Variants in UNC5B observed in about 807,000 individuals in gnomAD.
UNC5B encodes unc-5 netrin receptor B.
Under a neutral mutation model 103.7 loss-of-function variants are expected in UNC5B, and 56 were observed. That is an observed-to-expected ratio of 0.54 (90% CI 0.44 to 0.67). The LOEUF is 0.67. UNC5B is among the 30% of genes least tolerant of loss of function. The pLI is 0.00. For missense variants in UNC5B, 1,194 were observed against 1,284.5 expected (o/e 0.93, Z 1.08); for synonymous variants, 577 against 542.0 (o/e 1.06, Z -0.90).
At chr10:71,261,945 A>C (rs994143941) in intron 1 of UNC5B, among the ~76,000 whole-genome samples, 4 of 133,128 alleles carry the variant, frequency 3.0e-5, no homozygotes, top group African/African-American at 1.1e-4. Context: ...GAGAGGCCTC[A>C]GTTGACTTCT....
intron 1 of UNC5B, among the ~76,000 whole-genome samples, chr10:71,240,216 A>T (rs1273891861): frequency 6.6e-6 from 1 of 152,242 alleles, no homozygotes; most frequent in Admixed American, 6.5e-5. Context: ...CTCTTCTGCC[A>T]TGCGGCCTGC....
chr10:71,269,612 A>C (rs1589180452), intron 1 of UNC5B, among the ~76,000 whole-genome samples: 1 of 150,642 alleles, frequency 6.6e-6, no homozygotes. Flanking sequence ...CTCCCCCTCC[A>C]CCTGCCACCC....
intron 1 of UNC5B, among the ~76,000 whole-genome samples, chr10:71,240,152 G>A (rs1282554234): frequency 6.6e-6 from 1 of 151,132 alleles, no homozygotes; most frequent in Non-Finnish European, 1.5e-5. Flanking sequence ...CGGAGATTAT[G>A]AGCCGCGCTT....
chr10:71,255,917 G>C (rs972289328), intron 1 of UNC5B, among the ~76,000 whole-genome samples: 1 of 152,224 alleles, frequency 6.6e-6, no homozygotes, highest in South Asian at 2.1e-4. Flanking sequence ...AGCTGCCACT[G>C]CCTGCTCTGA....
At chr10:71,296,510 G>A in intron 14 of UNC5B, 68 bp from the exon 15 acceptor site, 1 of 1,562,772 alleles carries the variant, frequency 6.4e-7, no homozygotes, top group South Asian at 1.2e-5. Flanking sequence ...CCCTCCCTGA[G>A]CCTCCATTTC....
In UNC5B at chr10:71,293,387, C is replaced by T. The variant is rs528529008; in HGVS notation, c.1773-18C>T. 17 of 1,606,676 alleles carry T rather than the reference C, an allele frequency of 1.1e-5. No individual in the cohort carries two copies. The South Asian group carries it at 1.8e-4, about 17-fold the overall frequency. On this transcript the variant is annotated intron_variant, in intron 11 of 16. Transcript: ENST00000335350. ...CGAGCTCTTCACTGCCTCTCTCCTA[C>T]CCTGTGTCCTCCTCCAGCCCGCTTT...
chr10:71,294,286 G>A lies in UNC5B; in HGVS notation c.2175+353G>A, dbSNP rs56053231. ...AAAGGAGTGAAGGGCATTCCAGACC[G>A]ACAGAAATGACTGCGTTTCATAAGC... On this transcript the variant is annotated intron_variant, in intron 13 of 16. Transcript: ENST00000335350. Among the ~76,000 whole-genome samples, 201 of 152,314 alleles carry A rather than the reference G, an allele frequency of 1.3e-3. 1 individual carries two copies. Among genetic ancestry groups the A allele is most frequent in the Admixed American group, 2.4e-3 (36 of 15,304 alleles).
chr10:71,243,634 G>A (rs531888272), intron 1 of UNC5B, among the ~76,000 whole-genome samples: 1 of 152,176 alleles, frequency 6.6e-6, no homozygotes, highest in Admixed American at 6.5e-5. Context: ...TGTTCCCCGG[G>A]GGGCTTGGGA....
intron 1 of UNC5B, among the ~76,000 whole-genome samples, chr10:71,262,963 A>G (rs1237721968): frequency 6.6e-6 from 1 of 152,238 alleles, no homozygotes; most frequent in Non-Finnish European, 1.5e-5. Flanking sequence ...TAAGGAAAAG[A>G]GATGCCAGAC....
intron 1 of UNC5B, among the ~76,000 whole-genome samples, chr10:71,260,680 G>A (rs1300495864): frequency 6.6e-6 from 1 of 152,226 alleles, no homozygotes; most frequent in East Asian, 1.9e-4. Flanking sequence ...TCATTAAAGA[G>A]CCTCGGCAGC....
chr10:71,293,915 C>G lies in UNC5B; in HGVS notation c.2157C>G (p.Asp719Glu). The change falls in exon 13 of 17, where the codon GAC becomes GAG. Residue 719 changes from aspartate (D) to glutamate (E), a missense_variant. By Grantham distance (45) the Asp-to-Glu change is conservative (BLOSUM62 2). Transcript: ENST00000335350. ...EYSLRVYCLE[D>E]TPVALKEVLE... ...GCCTCCGGGTCTACTGCCTGGAGGA[C>G]ACGCCTGTAGCACTGAAGGTAGGGC... is the stretch of plus-strand genomic sequence containing the variant. The G allele has an allele frequency of 6.2e-7, 1 of 1,602,480 alleles. No homozygotes were observed. The highest frequency in any genetic ancestry group is 2.2e-5 in the East Asian group (1 of 44,738).
chr10:71,244,207 A>C (rs1409444668), intron 1 of UNC5B, among the ~76,000 whole-genome samples: 3 of 152,246 alleles, frequency 2.0e-5, no homozygotes, highest in African/African-American at 7.2e-5. Context: ...GAAATGATGC[A>C]GGGTGCCCCC....
chr10:71,221,594 C>G (rs953537553), intron 1 of UNC5B, among the ~76,000 whole-genome samples: 5 of 152,238 alleles, frequency 3.3e-5, no homozygotes, highest in African/African-American at 9.6e-5. Flanking sequence ...ATGGGCCTGA[C>G]TCTTGAAGAA....
At chr10:71,242,372 CTA>C (rs1336757416) in intron 1 of UNC5B, among the ~76,000 whole-genome samples, 1 of 152,210 alleles carries the variant, frequency 6.6e-6, no homozygotes, top group Non-Finnish European at 1.5e-5. Flanking sequence ...GTCCCCCGAG[CTA>C]GTTCAGCAGA....
At chr10:71,235,752 C>T (rs1017838904) in intron 1 of UNC5B, among the ~76,000 whole-genome samples, 3 of 152,212 alleles carry the variant, frequency 2.0e-5, no homozygotes, top group Non-Finnish European at 4.4e-5. Flanking sequence ...GGAAGGGCAG[C>T]TCCCCACCAA....
chr10:71,287,461 C>T, intron 5 of UNC5B, 137 bp from the exon 6 acceptor site: 1 of 1,129,588 alleles, frequency 8.9e-7, no homozygotes, highest in Non-Finnish European at 1.2e-6. Flanking sequence ...TTCTGAGTCC[C>T]TACACTGTAG....
intron 1 of UNC5B, among the ~76,000 whole-genome samples, chr10:71,244,885 G>T (rs768082282): frequency 6.6e-6 from 1 of 152,224 alleles, no homozygotes; most frequent in African/African-American, 2.4e-5. Flanking sequence ...TCCAGCTCCC[G>T]CTGGCCCTCC....
In UNC5B at chr10:71,270,334, C is replaced by T. The variant is rs902398111; in HGVS notation, c.80-9487C>T. On this transcript the variant is annotated intron_variant, in intron 1 of 16. Coordinates refer to ENST00000335350, the MANE Select transcript of UNC5B (RefSeq NM_170744.5). ...CCAGCCTGGGTGACAGAATGAGACT[C>T]TGCGGAAGGGAGGGAGGGAGGGAGG... 2.2e-3 allele frequency among the ~76,000 whole-genome samples: 205 copies of T among 92,434 alleles called. 5 individuals are homozygous for T. Among genetic ancestry groups the T allele is most frequent in the Non-Finnish European group, 3.0e-4 (15 of 49,882 alleles). The allele number at this position is 92,434 out of a possible 152,430, so 60.6% of individuals were successfully genotyped here. A position where few individuals can be genotyped will look rare whatever the true frequency, so the allele number is the denominator to read the frequency against.
chr10:71,277,200 C>T (rs779777794), intron 1 of UNC5B, among the ~76,000 whole-genome samples: 2 of 152,240 alleles, frequency 1.3e-5, no homozygotes, highest in African/African-American at 4.8e-5. Context: ...GCTGTCACCC[C>T]GGGGCTGGGG....
Sources: allele counts gnomAD v4.1 joint callset (sites outside exome capture counted in the v4.1 genomes callset), GRCh38; gene constraint gnomAD v4.1.1; transcripts MANE v1.5; gene names NCBI Gene and HGNC (gene_info 2026-07-23, HGNC 2026-07-21).